Variants in EYS observed in about 807,000 individuals in gnomAD.
The protein encoded by EYS is EGF-like photoreceptor maintenance factor.
A neutral mutation model predicts 282.1 loss-of-function variants in EYS; 250 were observed. The observed-to-expected ratio is 0.89, with a 90% CI of 0.80 to 0.98. The LOEUF (loss-of-function observed/expected upper bound fraction) is 0.98. EYS is among the 50% of genes least tolerant of loss of function. The probability of loss-of-function intolerance (pLI) is 0.00; values close to 1 mark genes in which losing one functional copy is unlikely to be tolerated. For synonymous variants in EYS, 1,355 were observed against 1,282.9 expected, an observed-to-expected ratio of 1.06 and a Z score of -1.20; for missense variants, 4,016 against 3,709.0, an observed-to-expected ratio of 1.08 and a Z score of -2.15.
At chr6:64,229,620 G>A (rs1435522917) in intron 31 of EYS, among the ~76,000 whole-genome samples, 1 of 152,032 alleles carries the variant, frequency 6.6e-6, no homozygotes, top group East Asian at 1.9e-4. Flanking sequence ...CCATTTCTGT[G>A]CCTTTTACTA....
chr6:64,403,780 A>C (rs1243060921), intron 28 of EYS, among the ~76,000 whole-genome samples: 2 of 152,242 alleles, frequency 1.3e-5, no homozygotes, highest in Non-Finnish European at 2.9e-5. Context: ...AGAACAATTC[A>C]AGAAAACACC....
intron 12 of EYS, among the ~76,000 whole-genome samples, chr6:65,084,648 G>T (rs1774315481): frequency 6.6e-6 from 1 of 152,120 alleles, no homozygotes. Context: ...CCCTGGAAAT[G>T]TATCAGGTTT....
intron 11 of EYS, among the ~76,000 whole-genome samples, chr6:65,333,137 T>G (rs1050161937): frequency 6.6e-5 from 10 of 151,480 alleles, no homozygotes; most frequent in Non-Finnish European, 1.0e-4. Context: ...GTTTCCTCTC[T>G]TATCCATTGT....
At chr6:64,101,183 A>T (rs543661704) in intron 31 of EYS, among the ~76,000 whole-genome samples, 11 of 151,076 alleles carry the variant, frequency 7.3e-5, no homozygotes, top group African/African-American at 2.7e-4. Flanking sequence ...TGTTTATTTT[A>T]TTTTGTCCAA....
chr6:65,097,813 A>G (rs1774782228), intron 12 of EYS, among the ~76,000 whole-genome samples: 1 of 150,404 alleles, frequency 6.6e-6, no homozygotes, highest in African/African-American at 2.4e-5. Flanking sequence ...AAAAAAAAAA[A>G]CAAAGTACAA....
chr6:65,069,876 A>G (rs966758719), intron 12 of EYS, among the ~76,000 whole-genome samples: 4 of 151,870 alleles, frequency 2.6e-5, no homozygotes, highest in African/African-American at 9.7e-5. Flanking sequence ...ATATTTTCCA[A>G]TATAAATCAT....
intron 11 of EYS, among the ~76,000 whole-genome samples, chr6:65,301,715 G>A (rs1768836117): frequency 6.6e-6 from 1 of 152,256 alleles, no homozygotes; most frequent in Admixed American, 6.5e-5. Flanking sequence ...TGGGAGTCAA[G>A]AGCAACAGGG....
chr6:65,454,938 C>T (rs1302410925), intron 5 of EYS, among the ~76,000 whole-genome samples: 1 of 151,850 alleles, frequency 6.6e-6, no homozygotes, highest in Non-Finnish European at 1.5e-5. Flanking sequence ...TAAGGTAGCC[C>T]GATTTCTCTA....
chr6:63,866,449 A>C (rs2149710656), intron 35 of EYS, among the ~76,000 whole-genome samples: 1 of 152,334 alleles, frequency 6.6e-6, no homozygotes, highest in East Asian at 1.9e-4. Context: ...CATATGTGAA[A>C]GTCAAACTAA....
chr6:65,351,740 A>G (rs1764285357), intron 9 of EYS, among the ~76,000 whole-genome samples: 1 of 151,808 alleles, frequency 6.6e-6, no homozygotes, highest in Non-Finnish European at 1.5e-5. Context: ...AACAGTAGAG[A>G]GCATTTCTCA....
intron 2 of EYS, among the ~76,000 whole-genome samples, chr6:65,638,866 C>T (rs891905987): frequency 2.0e-5 from 3 of 152,202 alleles, no homozygotes; most frequent in Non-Finnish European, 2.9e-5. Flanking sequence ...CTCAGGCAAA[C>T]GTGCCACTGG....
chr6:64,198,118 A>G (rs1765349202), intron 31 of EYS, among the ~76,000 whole-genome samples: 1 of 151,086 alleles, frequency 6.6e-6, no homozygotes, highest in Non-Finnish European at 1.5e-5. Flanking sequence ...TCAGCCTCCC[A>G]AGTAGCCGGG....
intron 35 of EYS, among the ~76,000 whole-genome samples, chr6:63,876,765 G>A (rs1772983692): frequency 6.6e-6 from 1 of 151,910 alleles, no homozygotes; most frequent in African/African-American, 2.4e-5. Context: ...TTAAAGTCTT[G>A]TTTATCAGAG....
intron 2 of EYS, among the ~76,000 whole-genome samples, chr6:65,500,598 G>T (rs754154182): frequency 4.6e-5 from 7 of 151,896 alleles, no homozygotes; most frequent in Non-Finnish European, 1.0e-4. Context: ...TGCCAAAATA[G>T]AGTTAAAATC....
chr6:64,309,976 A>T (rs575761459), intron 29 of EYS, among the ~76,000 whole-genome samples: 7 of 139,280 alleles, frequency 5.0e-5, no homozygotes, highest in Admixed American at 5.0e-4. Flanking sequence ...AAAAAAAAAA[A>T]TGCTCAACAT....
At chr6:65,184,014 C>A (rs902805038) in intron 12 of EYS, among the ~76,000 whole-genome samples, 1 of 150,244 alleles carries the variant, frequency 6.7e-6, no homozygotes, top group Non-Finnish European at 1.5e-5. Flanking sequence ...TATCATTTGA[C>A]TAAAGTAAAT....
intron 15 of EYS, among the ~76,000 whole-genome samples, chr6:64,926,230 A>T (rs1242373599): frequency 1.3e-5 from 2 of 152,164 alleles, no homozygotes; most frequent in East Asian, 3.9e-4. Context: ...GCTGGAGCAC[A>T]TACCACATTT....
At chr6:64,967,013 CATTCTTAA>C (rs755906406) in intron 14 of EYS, among the ~76,000 whole-genome samples, 6 of 152,146 alleles carry the variant, frequency 3.9e-5, no homozygotes, top group Non-Finnish European at 5.9e-5. Flanking sequence ...AATTCCATTG[CATTCTTAA>C]ATTATATTCT....
At chr6:64,115,236 C>T (rs778775985) in intron 31 of EYS, among the ~76,000 whole-genome samples, 1 of 152,126 alleles carries the variant, frequency 6.6e-6, no homozygotes, top group Non-Finnish European at 1.5e-5. Context: ...GCTTCATGCA[C>T]CAATGCTGCA....
Sources: allele counts gnomAD v4.1 joint callset (sites outside exome capture counted in the v4.1 genomes callset), GRCh38; gene constraint gnomAD v4.1.1; transcripts MANE v1.5; gene names NCBI Gene and HGNC (gene_info 2026-07-23, HGNC 2026-07-21).